The following SLC9A6 variants were observed in gnomAD, a reference collection of about 807,000 sequenced individuals.
SLC9A6 encodes solute carrier family 9 member A6, also known as sodium/hydrogen exchanger 6.
Under a neutral mutation model 45.3 loss-of-function variants are expected in SLC9A6, and 6 were observed. The observed-to-expected ratio is 0.13, with a 90% CI of 0.07 to 0.26. The LOEUF (loss-of-function observed/expected upper bound fraction) is 0.26. Ranked by LOEUF, SLC9A6 falls within the 10% of genes least tolerant of loss-of-function variation. The pLI, the probability that SLC9A6 is intolerant of heterozygous loss-of-function variation, is 1.00. For missense variants in SLC9A6, 278 were observed against 503.7 expected, an observed-to-expected ratio of 0.55 and a Z score of 4.29; for synonymous variants, 191 against 187.7, an observed-to-expected ratio of 1.02 and a Z score of -0.14.
At position 136,037,664 on chromosome X, in the gene SLC9A6, G is replaced by A. The variant is rs782123210; in HGVS notation, c.1662-2412G>A. Among the ~76,000 whole-genome samples, 907 of 111,867 alleles carry A rather than the reference G, an allele frequency of 8.1e-3. 11 individuals are homozygous for A. Among genetic ancestry groups the A allele is most frequent in the African/African-American group, 0.028 (863 of 30,862 alleles). On this transcript the variant is annotated intron_variant, in intron 16 of 17. Coordinates refer to ENST00000630721, the MANE Select transcript of SLC9A6 (RefSeq NM_001379110.1). ...CGGCTCACTGCAACCTCTGCCTCCC[G>A]GATTCAAGTGATTCTTCTGCCTCAG...
In SLC9A6 at chrX:136,045,715, G is replaced by A. The variant is rs2071588196; in HGVS notation, c.*991G>A. 1 of 112,586 alleles carries A rather than the reference G, an allele frequency of 8.9e-6. No homozygotes were observed. The highest frequency in any genetic ancestry group is 1.9e-5 in the Non-Finnish European group (1 of 53,287). The allele number at this position is 112,586 out of a possible 1,213,427, so 9.3% of individuals were successfully genotyped here. On this transcript the variant is annotated 3_prime_UTR_variant, in exon 18 of 18. Transcript: ENST00000630721. The stretch of plus-strand genomic sequence containing the variant: ...TTTAGCAGCCAAACAGGAGCAAAAT[G>A]TAAAATTTTTGAACTTACTGTGTCT...
At chrX:136,022,210 A>G (rs1569525245) in intron 11 of SLC9A6, among the ~76,000 whole-genome samples, 1 of 112,304 alleles carries the variant, frequency 8.9e-6, no homozygotes, top group South Asian at 3.7e-4. Context: ...TCTTAAAAGT[A>G]TAGTAAAGAA....
chrX:135,992,717 T>C, intron 2 of SLC9A6, among the ~76,000 whole-genome samples: 1 of 112,217 alleles, frequency 8.9e-6, no homozygotes, highest in Admixed American at 9.5e-5. Context: ...TCCCCCAGGG[T>C]TGCATAGTTG....
upstream of SLC9A6, among the ~76,000 whole-genome samples, chrX:135,980,247 T>G (rs2089280500): frequency 9.2e-6 from 1 of 108,977 alleles, no homozygotes; most frequent in Non-Finnish European, 1.9e-5. Context: ...GGAGTCTCAC[T>G]CTGTTGCTCA....
At chrX:136,026,481 A>G (rs781852221) in intron 13 of SLC9A6, among the ~76,000 whole-genome samples, 8 of 111,633 alleles carry the variant, frequency 7.2e-5, no homozygotes, top group Admixed American at 2.9e-4. Context: ...CATTCATTCA[A>G]TAAACATTTA....
chrX:135,981,483 A>T (rs2089285191), upstream of SLC9A6, among the ~76,000 whole-genome samples: 1 of 111,172 alleles, frequency 9.0e-6, no homozygotes, highest in African/African-American at 3.3e-5. Context: ...CTCCTAACTC[A>T]GCCTGAGGGC....
Position 136,007,628 on chromosome X carries a change from T to C in SLC9A6, c.744-2814T>C, listed in dbSNP as rs185498674. Among the ~76,000 whole-genome samples the C allele has an allele frequency of 3.1e-4, 35 of 111,854 alleles. 1 individual carries two copies. The highest frequency in any genetic ancestry group is 1.1e-3 in the African/African-American group (35 of 30,851). On this transcript the variant is annotated intron_variant, in intron 7 of 17. Coordinates refer to ENST00000630721, the MANE Select transcript of SLC9A6 (RefSeq NM_001379110.1). ...ATCCAGACTTTTTCCGTTAAGATAG[T>C]AGTATACATATAAATATGTTAATAA...
At chrX:136,035,384 G>A (rs1216230437) in intron 16 of SLC9A6, among the ~76,000 whole-genome samples, 2 of 111,902 alleles carry the variant, frequency 1.8e-5, no homozygotes, top group Non-Finnish European at 3.8e-5. Flanking sequence ...ATCAACATGG[G>A]TTAGTTTTAC....
At position 135,995,060 on chromosome X, in the gene SLC9A6, A is replaced by G. The variant is rs781800187; in HGVS notation, c.369+75A>G. On this transcript the variant is annotated intron_variant, in intron 3 of 17. Transcript: ENST00000630721. ...CAAAATGATCCAGGAGAAAATAAGT[A>G]ATGGATTTTTAATGATATTTAAAAT... 10 of 651,124 alleles carry G rather than the reference A, an allele frequency of 1.5e-5. No homozygotes were observed. The Admixed American group carries it at 2.3e-4, about 15-fold the overall frequency. 53.7% of individuals were successfully genotyped at this position (651,124 alleles called of 1,213,427 possible).
chrX:136,043,762 T>C (rs1556623038), intron 17 of SLC9A6, among the ~76,000 whole-genome samples: 1 of 112,531 alleles, frequency 8.9e-6, no homozygotes, highest in African/African-American at 3.2e-5. Context: ...GTATTCCTGA[T>C]TCTTTTCCCT....
Position 135,976,273 on chromosome X carries a change from G to A in SLC9A6, c.-57+1490G>A, listed in dbSNP as rs150085485. On this transcript the variant is annotated intron_variant, in intron 1 of 16. Coordinates refer to the SLC9A6 transcript ENST00000636092. ...TTGACAGGAAAGTGCTTCCTTCTCC[G>A]CCCCTGGGAGGTAATAAGGTAGAAA... Among the ~76,000 whole-genome samples the A allele has an allele frequency of 7.0e-3, 781 of 111,451 alleles. 6 individuals carry two copies. Among genetic ancestry groups the A allele is most frequent in the African/African-American group, 0.024 (749 of 30,654 alleles).
intron 2 of SLC9A6, among the ~76,000 whole-genome samples, chrX:135,987,132 G>A: frequency 8.9e-6 from 1 of 111,880 alleles, no homozygotes. Context: ...AGAGAATACA[G>A]TTCTGAGCCT....
intron 7 of SLC9A6, among the ~76,000 whole-genome samples, chrX:136,009,635 A>G (rs782046352): frequency 2.7e-5 from 3 of 112,620 alleles, no homozygotes; most frequent in Non-Finnish European, 5.6e-5. Flanking sequence ...CACCGTTGCC[A>G]AAGACCTGCT....
upstream of SLC9A6, among the ~76,000 whole-genome samples, chrX:135,982,899 T>C (rs1158613997): frequency 8.9e-6 from 1 of 112,186 alleles, no homozygotes; most frequent in African/African-American, 3.2e-5. Context: ...GCCTTGACTT[T>C]CTCAGTGACA....
At chrX:135,996,761 TTTTGTTTG>T (rs781998413) in intron 3 of SLC9A6, among the ~76,000 whole-genome samples, 1 of 111,027 alleles carries the variant, frequency 9.0e-6, no homozygotes, top group African/African-American at 3.3e-5. Flanking sequence ...TTTTGTTTTT[TTTTGTTTG>T]TTTGTTTGTT....
intron 6 of SLC9A6, among the ~76,000 whole-genome samples, chrX:136,001,234 G>A (rs1285251852): frequency 2.8e-5 from 3 of 107,414 alleles, no homozygotes; most frequent in Non-Finnish European, 5.8e-5. Context: ...CTACTCGGGA[G>A]GCTGAAGCAG....
upstream of SLC9A6, among the ~76,000 whole-genome samples, chrX:135,984,504 C>T (rs1158128716): frequency 1.8e-5 from 2 of 110,798 alleles, no homozygotes; most frequent in Non-Finnish European, 3.8e-5. Context: ...AAGGAGCGAT[C>T]GGAGAAATAC....
In SLC9A6 at chrX:136,010,550, A is replaced by T. The variant is rs371472909; in HGVS notation, c.852A>T (p.Ala284=). Reference sequence around the variant, plus strand: ...TTGGAATCTTCAGTGGATCTTTTGCAATGGGTGCTGCTACTGGAGTGGTGA... The same window carrying T: ...TTGGAATCTTCAGTGGATCTTTTGCTATGGGTGCTGCTACTGGAGTGGTGA... ...IFLGIFSGSF[A]MGAATGVVTA... The change falls in exon 8 of 18, where the codon GCA becomes GCT. Residue 284 remains alanine, a synonymous_variant. Coordinates refer to ENST00000630721, the MANE Select transcript of SLC9A6 (RefSeq NM_001379110.1). 27 of 1,209,211 alleles carry T rather than the reference A, an allele frequency of 2.2e-5. No homozygotes were observed. In the African/African-American group the frequency reaches 3.8e-4, roughly 17 times the overall value.
At chrX:135,985,964 C>A in intron 2 of SLC9A6, 137 bp downstream of exon 2, 1 of 750,531 alleles carries the variant, frequency 1.3e-6, no homozygotes, top group Non-Finnish European at 2.0e-6. Context: ...CCTCGCCTTC[C>A]CCCTACCCCG....
Sources: allele counts gnomAD v4.1 joint callset (sites outside exome capture counted in the v4.1 genomes callset), GRCh38; gene constraint gnomAD v4.1.1; transcripts MANE v1.5; gene names NCBI Gene and HGNC (gene_info 2026-07-23, HGNC 2026-07-21).